The following BBS1 variants were observed in gnomAD, a reference collection of about 807,000 sequenced individuals.
BBS1 encodes Bardet-Biedl syndrome 1.
BBS1 carries 60 observed loss-of-function variants against 73.9 expected under a neutral mutation model. The observed-to-expected ratio is 0.81, with a 90% CI of 0.66 to 1.01. The LOEUF (loss-of-function observed/expected upper bound fraction) is 1.01. Among genes scored for constraint, BBS1 ranks in the 50% least tolerant of loss-of-function variants. The pLI is 0.00. For missense variants in BBS1, 718 were observed against 770.3 expected (o/e 0.93, Z 0.80); for synonymous variants, 283 against 317.4 (o/e 0.89, Z 1.15).
At chr11:66,526,571 G>A in intron 12 of BBS1, 78 bp from the exon 13 acceptor site, 1 of 1,592,934 alleles carries the variant, frequency 6.3e-7, no homozygotes, top group East Asian at 2.2e-5. Context: ...ATAGGAGGCA[G>A]ATTGTTTGGG....
chr11:66,519,486 T>TGTAC, intron 7 of BBS1, 131 bp from the exon 8 acceptor site: 1 of 1,319,530 alleles, frequency 7.6e-7, no homozygotes, highest in Non-Finnish European at 1.1e-6. Context: ...TGTACTTAAA[T>TGTAC]CTTCTGTCAC....
intron 15 of BBS1, among the ~76,000 whole-genome samples, chr11:66,531,358 TC>T (rs1296623545): frequency 6.6e-6 from 1 of 152,024 alleles, no homozygotes; most frequent in Non-Finnish European, 1.5e-5. Flanking sequence ...GGCCTGGTTT[TC>T]CCCCAGGGCC....
Position 66,532,130 on chromosome 11 carries a change from C to A in BBS1, c.*93C>A. On this transcript the variant is annotated 3_prime_UTR_variant, in exon 17 of 17. Transcript: ENST00000318312. The stretch of plus-strand genomic sequence containing the variant: ...GGCCCACTCCTCATGCAGCAGTGTG[C>A]TGGGGCGACAGCTCGTCTCCCCTCT... The A allele has an allele frequency of 1.5e-6, 2 of 1,342,098 alleles. No homozygotes were observed. Among genetic ancestry groups the A allele is most frequent in the Non-Finnish European group, 2.0e-6 (2 of 976,088 alleles). The allele number at this position is 1,342,098 out of a possible 1,614,324, so 83.1% of individuals were successfully genotyped here.
chr11:66,526,782 A>G lies in BBS1; in HGVS notation c.1314A>G (p.Thr438=). Residue 438 remains threonine, a synonymous_variant, in exon 13 of 17, where the codon ACA becomes ACG. Transcript: ENST00000318312. ...AGACCCGGCTTTACGTGGATCAGAC[A>G]CTGCGAGAGCGGGAGGCTGGCACCG... ...PRKTRLYVDQ[T]LREREAGTAM... 6.2e-7 allele frequency: 1 copy of G among 1,614,232 alleles called. No individual in the cohort carries two copies. The highest frequency in any genetic ancestry group is 8.5e-7 in the Non-Finnish European group (1 of 1,180,044).
At chr11:66,529,680 C>T (rs1565289561) in intron 13 of BBS1, 139 bp from the exon 14 acceptor site, 9 of 1,109,774 alleles carry the variant, frequency 8.1e-6, no homozygotes, top group Admixed American at 5.7e-5. Flanking sequence ...TTTCCCTCCT[C>T]CCCAGCTCCT....
chr11:66,511,508 AG>A (rs1376339559), intron 3 of BBS1, among the ~76,000 whole-genome samples: 1 of 152,150 alleles, frequency 6.6e-6, no homozygotes, highest in African/African-American at 2.4e-5. Context: ...CTTTGTTGGA[AG>A]GGCAAATCCC....
intron 9 of BBS1, among the ~76,000 whole-genome samples, chr11:66,521,903 T>C (rs1233382498): frequency 4.6e-5 from 2 of 43,792 alleles, no homozygotes; most frequent in Admixed American, 3.3e-4. Flanking sequence ...AGACTCCGTC[T>C]CAAAAAAAAA....
Position 66,523,386 on chromosome 11 carries a change from CAG to C in BBS1, c.831-67_831-66del. 3.7e-6 allele frequency: 6 copies of C among 1,610,924 alleles called. No individual in the cohort carries two copies. In the South Asian group the frequency reaches 6.6e-5, roughly 18 times the overall value. ...CCCAGGTGAGTCCATGAGGTTTAGA[CAG>C]AGGAGGGTCAGCCATAGAAGTGGAG... is the stretch of plus-strand genomic sequence containing the variant. On this transcript the variant is annotated intron_variant, in intron 9 of 16. Coordinates refer to ENST00000318312, the MANE Select transcript of BBS1 (RefSeq NM_024649.5).
At chr11:66,525,685 G>A (rs1008579343) in intron 11 of BBS1, among the ~76,000 whole-genome samples, 1 of 152,216 alleles carries the variant, frequency 6.6e-6, no homozygotes, top group Non-Finnish European at 1.5e-5. Context: ...TGGTATGCTC[G>A]TTGAAAGAAG....
At chr11:66,521,075 C>G in intron 8 of BBS1, 195 bp from the exon 9 acceptor site, 1 of 630,582 alleles carries the variant, frequency 1.6e-6, no homozygotes, top group East Asian at 2.8e-5. Context: ...ATCGTTTAGT[C>G]AAAAGGCACA....
chr11:66,527,114 C>T (rs1207950289), intron 13 of BBS1: 12 of 1,176,302 alleles, frequency 1.0e-5, no homozygotes, highest in Admixed American at 4.0e-5. Flanking sequence ...TGGTGGCTCA[C>T]GCCTGTAATC....
At chr11:66,520,689 C>G (rs995436269) in intron 8 of BBS1, 6 of 168,860 alleles carry the variant, frequency 3.6e-5, no homozygotes, top group African/African-American at 1.2e-4. Context: ...TCATTTTTTG[C>G]TATTAATACC....
At chr11:66,528,132 C>T (rs935628458) in intron 13 of BBS1, among the ~76,000 whole-genome samples, 2 of 152,154 alleles carry the variant, frequency 1.3e-5, no homozygotes, top group East Asian at 1.9e-4. Context: ...AGGAGAATCA[C>T]TTGAACCTAG....
Position 66,530,955 on chromosome 11 carries a change from G to A in BBS1, c.1535G>A (p.Arg512His), listed in dbSNP as rs202205304. 67 of 1,614,186 alleles carry A rather than the reference G, an allele frequency of 4.2e-5. No homozygotes were observed. Among genetic ancestry groups the A allele is most frequent in the South Asian group, 5.5e-5 (5 of 91,074 alleles). The part of the protein sequence containing the change: ...TLHLQNTSTT[R>H]PVLGLLVCFL... ...CACCTGCAGAACACCTCAACAACCC[G>A]TCCTGTCCTGGGGCTGCTGGTCTGC... Residue 512 changes from arginine to histidine, a missense_variant, in exon 15 of 17, where the codon CGT becomes CAT. Transcript: ENST00000318312.
chr11:66,529,699 C>T, intron 13 of BBS1, 120 bp from the exon 14 acceptor site: 2 of 1,300,852 alleles, frequency 1.5e-6, no homozygotes, highest in Non-Finnish European at 2.2e-6. Context: ...CTGCAGACTC[C>T]TCCTGCAGCA....
chr11:66,529,391 G>A, intron 13 of BBS1: 1 of 1,330,622 alleles, frequency 7.5e-7, no homozygotes, highest in Non-Finnish European at 1.0e-6. Flanking sequence ...GCAGGCGAGG[G>A]TGCTCACTAA....
rs1368189497 is a variant in BBS1, at chr11:66,529,804, G to A, written c.1340-15G>A. 5.0e-6 allele frequency: 8 copies of A among 1,610,130 alleles called. No individual in the cohort carries two copies. The highest frequency in any genetic ancestry group is 6.8e-6 in the Non-Finnish European group (8 of 1,179,926). On this transcript the variant is annotated splice_polypyrimidine_tract_variant and intron_variant, in intron 13 of 16. Coordinates refer to ENST00000318312, the MANE Select transcript of BBS1 (RefSeq NM_024649.5). ...CCCCACCTCCACCGTCAGCCTCTGG[G>A]ACCCTTCTCCACAGCCATGCACCGG...
At chr11:66,531,130 G>T in intron 15 of BBS1, 102 bp downstream of exon 15, 1 of 1,504,612 alleles carries the variant, frequency 6.6e-7, no homozygotes, top group South Asian at 1.2e-5. Flanking sequence ...GAGCGTGCGG[G>T]TGGCTGCCAG....
At chr11:66,526,297 G>A in intron 12 of BBS1, 105 bp downstream of exon 12, 3 of 1,191,288 alleles carry the variant, frequency 2.5e-6, no homozygotes, top group Non-Finnish European at 3.7e-6. Context: ...GGTGGACCTG[G>A]GTGTGGAAAG....
Sources: allele counts gnomAD v4.1 joint callset (sites outside exome capture counted in the v4.1 genomes callset), GRCh38; gene constraint gnomAD v4.1.1; transcripts MANE v1.5; gene names NCBI Gene and HGNC (gene_info 2026-07-23, HGNC 2026-07-21).